ADAM22: variants seen among roughly 807,000 people sequenced by gnomAD.
The protein encoded by ADAM22 is disintegrin and metalloproteinase domain-containing protein 22.
Under a neutral mutation model 144.6 loss-of-function variants are expected in ADAM22, and 65 were observed. The ratio of observed to expected loss-of-function variants is 0.45; its 90% CI spans 0.37 to 0.55. ADAM22 has a LOEUF of 0.55. Ranked by LOEUF, ADAM22 falls within the 20% of genes least tolerant of loss-of-function variation. The probability of loss-of-function intolerance (pLI) is 0.00; values close to 1 mark genes in which losing one functional copy is unlikely to be tolerated. For missense variants in ADAM22, 974 were observed against 1,184.9 expected (o/e 0.82, Z 2.61); for synonymous variants, 391 against 412.6 (o/e 0.95, Z 0.63).
chr7:87,992,199 G>A (rs2129451727), intron 3 of ADAM22, among the ~76,000 whole-genome samples: 1 of 152,292 alleles, frequency 6.6e-6, no homozygotes, highest in South Asian at 2.1e-4. Flanking sequence ...AGCTGTGTAA[G>A]ATTTTGCTAC....
chr7:87,956,133 A>G (rs946951341), intron 2 of ADAM22, among the ~76,000 whole-genome samples: 10 of 152,246 alleles, frequency 6.6e-5, no homozygotes, highest in African/African-American at 2.2e-4. Context: ...TGCTGCATCC[A>G]CTGTCCTGCA....
At chr7:87,994,997 T>C (rs1454775781) in intron 3 of ADAM22, among the ~76,000 whole-genome samples, 1 of 152,050 alleles carries the variant, frequency 6.6e-6, no homozygotes, top group Non-Finnish European at 1.5e-5. Context: ...CTGGCTAATT[T>C]TTTTTTGTAT....
chr7:88,069,401 T>A (rs1052352356), intron 3 of ADAM22, among the ~76,000 whole-genome samples: 5 of 152,198 alleles, frequency 3.3e-5, no homozygotes, highest in Non-Finnish European at 7.3e-5. Flanking sequence ...TAGTCTGTGA[T>A]ATTCTGTTAC....
chr7:88,058,465 T>A (rs1208721487), intron 3 of ADAM22, among the ~76,000 whole-genome samples: 1 of 152,240 alleles, frequency 6.6e-6, no homozygotes, highest in Non-Finnish European at 1.5e-5. Context: ...TTAAATATTC[T>A]TAATAGGATA....
At chr7:87,963,799 A>C (rs1848494233) in intron 2 of ADAM22, among the ~76,000 whole-genome samples, 2 of 152,116 alleles carry the variant, frequency 1.3e-5, no homozygotes, top group Admixed American at 6.5e-5. Context: ...TTGTAATTTT[A>C]TTCATCTTTT....
chr7:88,125,519 T>C, intron 7 of ADAM22, 70 bp from the exon 8 acceptor site: 1 of 1,070,744 alleles, frequency 9.3e-7, no homozygotes, highest in Non-Finnish European at 1.4e-6. Context: ...GAAGGGCAGG[T>C]AAAACTTTGC....
intron 31 of ADAM22, 102 bp from the exon 32 acceptor site, chr7:88,196,369 C>T: frequency 7.5e-7 from 1 of 1,339,994 alleles, no homozygotes; most frequent in Non-Finnish European, 1.1e-6. Context: ...TCCACAATCA[C>T]ATATATATGG....
chr7:87,987,538 A>C (rs778185867), intron 3 of ADAM22, among the ~76,000 whole-genome samples: 1 of 152,236 alleles, frequency 6.6e-6, no homozygotes, highest in Admixed American at 6.5e-5. Flanking sequence ...GTACAGCCCA[A>C]CCACAGGGAA....
intron 3 of ADAM22, among the ~76,000 whole-genome samples, chr7:87,992,014 A>G (rs908551298): frequency 1.3e-5 from 2 of 152,250 alleles, no homozygotes; most frequent in African/African-American, 4.8e-5. Context: ...AGCTTAGATC[A>G]GAGAAATGCT....
chr7:88,131,182 C>G, intron 10 of ADAM22, 87 bp from the exon 11 acceptor site: 17 of 1,124,370 alleles, frequency 1.5e-5, no homozygotes, highest in Non-Finnish European at 2.1e-5. Flanking sequence ...AAAGAAGTTT[C>G]CATGAAAGGA....
chr7:87,949,157 T>C (rs1844425552), intron 2 of ADAM22, among the ~76,000 whole-genome samples: 2 of 152,210 alleles, frequency 1.3e-5, no homozygotes, highest in South Asian at 4.1e-4. Context: ...ATACCCCTCC[T>C]GGCCCAGCAG....
intron 3 of ADAM22, among the ~76,000 whole-genome samples, chr7:88,006,590 G>T (rs1206965779): frequency 2.0e-5 from 3 of 149,024 alleles, no homozygotes; most frequent in African/African-American, 4.9e-5. Flanking sequence ...TGCAAGGCTG[G>T]TTCAATGTAT....
At chr7:88,166,919 G>C (rs559168411) in intron 24 of ADAM22, among the ~76,000 whole-genome samples, 5 of 152,194 alleles carry the variant, frequency 3.3e-5, no homozygotes, top group Non-Finnish European at 7.4e-5. Flanking sequence ...AGGAAGGGGG[G>C]GCAGACATGC....
intron 2 of ADAM22, among the ~76,000 whole-genome samples, chr7:87,963,579 C>T (rs1848444473): frequency 6.6e-6 from 1 of 152,000 alleles, no homozygotes; most frequent in South Asian, 2.1e-4. Context: ...TTAAACTGCA[C>T]TGATTTGTCT....
At chr7:88,014,816 G>T (rs181962348) in intron 3 of ADAM22, among the ~76,000 whole-genome samples, 14 of 152,168 alleles carry the variant, frequency 9.2e-5, no homozygotes, top group South Asian at 2.1e-4. Context: ...TGGTATTCTA[G>T]TGATTCCCAA....
At chr7:87,961,449 A>G (rs963803711) in intron 2 of ADAM22, among the ~76,000 whole-genome samples, 1 of 152,216 alleles carries the variant, frequency 6.6e-6, no homozygotes, top group African/African-American at 2.4e-5. Context: ...GATTTTCAGT[A>G]TGGTGTCTAA....
At chr7:88,121,705 A>G (rs890217432) in intron 7 of ADAM22, among the ~76,000 whole-genome samples, 1 of 152,160 alleles carries the variant, frequency 6.6e-6, no homozygotes, top group Non-Finnish European at 1.5e-5. Flanking sequence ...AGATAGTGAG[A>G]GACCAAGAGA....
chr7:88,015,093 AG>A (rs111318107), intron 3 of ADAM22, among the ~76,000 whole-genome samples: 5,018 of 152,274 alleles, frequency 0.033, 246 homozygotes, highest in African/African-American at 0.11. Context: ...AAAGTAACAA[AG>A]GTTTAATAAA....
chr7:88,089,312 A>G (rs1819235735), intron 4 of ADAM22, among the ~76,000 whole-genome samples: 2 of 152,274 alleles, frequency 1.3e-5, no homozygotes, highest in South Asian at 4.1e-4. Context: ...ATTTTGCTGC[A>G]TGCGTTATTA....
Sources: allele counts gnomAD v4.1 joint callset (sites outside exome capture counted in the v4.1 genomes callset), GRCh38; gene constraint gnomAD v4.1.1; transcripts MANE v1.5; gene names NCBI Gene and HGNC (gene_info 2026-07-23, HGNC 2026-07-21).